Variants in SGPP2 observed in about 807,000 individuals in gnomAD.
SGPP2 encodes the protein sphingosine-1-phosphate phosphatase 2, also known as sphingosine 1-phosphate phosphohydrolase 2.
Under a neutral mutation model 33.9 loss-of-function variants are expected in SGPP2, and 30 were observed. That is an observed-to-expected ratio of 0.89 (90% CI 0.66 to 1.20). SGPP2 has a LOEUF of 1.20. SGPP2 is among the 50% of genes most tolerant of loss of function. The pLI, the probability that SGPP2 is intolerant of heterozygous loss-of-function variation, is 0.00. For missense variants in SGPP2, 458 were observed against 532.1 expected (o/e 0.86, Z 1.37); for synonymous variants, 233 against 225.0 (o/e 1.04, Z -0.32).
chr2:222,490,914 C>T lies in SGPP2; in HGVS notation c.378+16188C>T, dbSNP rs1010990547. Among the ~76,000 whole-genome samples the T allele has an allele frequency of 4.6e-5, 7 of 152,228 alleles. No homozygotes were observed. The East Asian group carries it at 1.2e-3, about 25-fold the overall frequency. ...TTTTGGTTCGTCTTGTAACCCTGAA[C>T]ATAATTCATTAGTTATCTATAGCAA... On this transcript the variant is annotated intron_variant, in intron 2 of 4. Transcript: ENST00000321276.
At chr2:222,440,085 C>T (rs561414403) in intron 1 of SGPP2, among the ~76,000 whole-genome samples, 3 of 152,242 alleles carry the variant, frequency 2.0e-5, no homozygotes, top group African/African-American at 4.8e-5. Context: ...CCATTTTTCT[C>T]GCAACTTTTA....
At chr2:222,442,632 A>G (rs1697343632) in intron 1 of SGPP2, among the ~76,000 whole-genome samples, 2 of 152,208 alleles carry the variant, frequency 1.3e-5, no homozygotes, top group African/African-American at 4.8e-5. Flanking sequence ...CATATAAAAT[A>G]CCTAGTCCCC....
intron 4 of SGPP2, among the ~76,000 whole-genome samples, chr2:222,553,378 G>A (rs1413075675): frequency 6.6e-6 from 1 of 152,226 alleles, no homozygotes; most frequent in Non-Finnish European, 1.5e-5. Context: ...ACGTATGTGA[G>A]TGGGGCAGAA....
chr2:222,483,357 A>G (rs553457137), intron 2 of SGPP2, among the ~76,000 whole-genome samples: 29 of 152,234 alleles, frequency 1.9e-4, no homozygotes, highest in African/African-American at 6.7e-4. Flanking sequence ...GGAAGCCTTA[A>G]AAGTGGAAGA....
chr2:222,543,518 C>T (rs1689116979), intron 4 of SGPP2, among the ~76,000 whole-genome samples: 1 of 152,166 alleles, frequency 6.6e-6, no homozygotes, highest in African/African-American at 2.4e-5. Context: ...AAGAGATTAA[C>T]AACAACAACC....
chr2:222,522,783 A>T (rs1310061916), intron 3 of SGPP2, among the ~76,000 whole-genome samples: 2 of 152,202 alleles, frequency 1.3e-5, no homozygotes, highest in East Asian at 3.8e-4. Context: ...GGCTCAAGCG[A>T]TCCTTCCATC....
At chr2:222,506,144 G>C (rs1336098416) in intron 2 of SGPP2, among the ~76,000 whole-genome samples, 1 of 152,190 alleles carries the variant, frequency 6.6e-6, no homozygotes, top group Non-Finnish European at 1.5e-5. Context: ...GTGAGCACAA[G>C]TGTTCTGATT....
Position 222,477,753 on chromosome 2 carries a change from G to A in SGPP2, c.378+3027G>A, listed in dbSNP as rs768597076. Among the ~76,000 whole-genome samples the A allele has an allele frequency of 5.9e-5, 9 of 152,102 alleles. No individual in the cohort carries two copies. The highest frequency in any genetic ancestry group is 7.4e-5 in the Non-Finnish European group (5 of 68,016). ...GTGGAAAACTTTCCCTGAGAGCTGG[G>A]AAGACCTCTAGACTCTATAGAAGGC... On this transcript the variant is annotated intron_variant, in intron 2 of 4. Transcript: ENST00000321276. This position sits in a 1 kb window ranked among gnomAD's most constrained non-coding sequence, Gnocchi z 6.0.
At chr2:222,471,136 G>A (rs563818656) in intron 1 of SGPP2, among the ~76,000 whole-genome samples, 110 of 152,296 alleles carry the variant, frequency 7.2e-4, no homozygotes, top group Non-Finnish European at 1.1e-3. Context: ...CCTGGTGGGA[G>A]ACCCCTTTTT....
intron 2 of SGPP2, among the ~76,000 whole-genome samples, chr2:222,503,388 G>C (rs1698396000): frequency 1.3e-5 from 2 of 152,194 alleles, no homozygotes; most frequent in Admixed American, 6.5e-5. Context: ...TTGTTTTAAA[G>C]TGTTAAGAGC....
intron 3 of SGPP2, among the ~76,000 whole-genome samples, chr2:222,523,694 A>G (rs1200318681): frequency 6.6e-6 from 1 of 150,974 alleles, no homozygotes; most frequent in African/African-American, 2.4e-5. Flanking sequence ...TTATTTATAT[A>G]TTATATTTAT....
At chr2:222,461,860 A>G (rs938095295) in intron 1 of SGPP2, among the ~76,000 whole-genome samples, 5 of 152,116 alleles carry the variant, frequency 3.3e-5, no homozygotes, top group Admixed American at 1.3e-4. Context: ...GGTTCTGTTC[A>G]TATTCGTTTA....
At chr2:222,533,347 C>T (rs1209421306) in intron 4 of SGPP2, among the ~76,000 whole-genome samples, 1 of 152,182 alleles carries the variant, frequency 6.6e-6, no homozygotes, top group African/African-American at 2.4e-5. Context: ...GGAGGTGAGA[C>T]TTCGGCTGGA....
intron 4 of SGPP2, among the ~76,000 whole-genome samples, chr2:222,529,923 A>G (rs760721455): frequency 6.6e-6 from 1 of 152,224 alleles, no homozygotes; most frequent in Admixed American, 6.5e-5. Flanking sequence ...TGAAAGTAGC[A>G]ATGACTCCTT....
intron 4 of SGPP2, among the ~76,000 whole-genome samples, chr2:222,553,190 A>G (rs12473960): frequency 0.18 from 26,834 of 152,228 alleles, 3,006 homozygotes; most frequent in East Asian, 0.56. Context: ...AGCGAGAGAA[A>G]GGTTGGTTCC....
intron 1 of SGPP2, among the ~76,000 whole-genome samples, chr2:222,473,706 C>T (rs1467667697): frequency 6.6e-6 from 1 of 152,082 alleles, no homozygotes; most frequent in African/African-American, 2.4e-5. Context: ...GGGTGGATCA[C>T]CTGAGGTTGG....
intron 1 of SGPP2, among the ~76,000 whole-genome samples, chr2:222,440,231 C>G (rs1487774692): frequency 6.6e-6 from 1 of 152,168 alleles, no homozygotes; most frequent in African/African-American, 2.4e-5. Flanking sequence ...CTGACTGCTG[C>G]TATGTGCCAA....
At chr2:222,469,917 T>C (rs887352837) in intron 1 of SGPP2, among the ~76,000 whole-genome samples, 6 of 152,198 alleles carry the variant, frequency 3.9e-5, no homozygotes, top group Non-Finnish European at 7.3e-5. Context: ...ATATACACCA[T>C]GGAATACCAT....
chr2:222,453,250 T>C (rs552609417), intron 1 of SGPP2: 28 of 762,956 alleles, frequency 3.7e-5, no homozygotes, highest in Non-Finnish European at 6.6e-5. Context: ...TACAATCAGA[T>C]GCTTTGAAGC....
Sources: gnomAD v4.1 joint callset for allele counts (sites outside exome capture counted in the v4.1 genomes callset) on GRCh38, gnomAD v4.1.1 for gene constraint, Gnocchi (gnomAD v3.1) non-coding constraint, MANE v1.5 for transcripts, NCBI Gene and HGNC (gene_info 2026-07-23, HGNC 2026-07-21) for gene names.